HDAC9: variants seen among roughly 807,000 people sequenced by gnomAD.
HDAC9 encodes histone deacetylase 9, also known as MEF-2 interacting transcription repressor (MITR) protein.
Under a neutral mutation model 139.4 loss-of-function variants are expected in HDAC9, and 41 were observed. The ratio of observed to expected loss-of-function variants is 0.29; its 90% CI spans 0.23 to 0.38. HDAC9 has a LOEUF of 0.38. Ranked by LOEUF, HDAC9 falls within the 10% of genes least tolerant of loss-of-function variation. The probability of loss-of-function intolerance (pLI) is 1.00; values close to 1 mark genes in which losing one functional copy is unlikely to be tolerated. For missense variants in HDAC9, 1,147 were observed against 1,297.0 expected, an observed-to-expected ratio of 0.88 and a Z score of 1.78; for synonymous variants, 517 against 476.2, an observed-to-expected ratio of 1.09 and a Z score of -1.12.
At chr7:18,967,299 T>A (rs1193611706) in intron 24 of HDAC9, among the ~76,000 whole-genome samples, 3 of 152,172 alleles carry the variant, frequency 2.0e-5, no homozygotes, top group Non-Finnish European at 4.4e-5. Context: ...GTAAATCAAT[T>A]TTCAGTTTCT....
At position 18,370,167 on chromosome 7, in the gene HDAC9, T is replaced by C. The variant is rs563808188; in HGVS notation, c.-42+79652T>C. ...TGCAAACCATTGTGCATGTATTCTA[T>C]AGGTTATTCCAGCCCCAACTGGGTT... On this transcript the variant is annotated intron_variant, in intron 1 of 3. Coordinates refer to the HDAC9 transcript ENST00000413509. 1.8e-4 allele frequency among the ~76,000 whole-genome samples: 27 copies of C among 152,274 alleles called. 1 individual carries two copies. The South Asian group carries it at 5.6e-3, about 32-fold the overall frequency.
intron 14 of HDAC9, among the ~76,000 whole-genome samples, chr7:18,757,258 AACCACATCCCTTTATTTAGAG>A (rs1283485493): frequency 6.6e-6 from 1 of 152,146 alleles, no homozygotes. Flanking sequence ...AAATAAATGA[AACCACATCCCTTTATTTAGAG>A]ACAATGGATG....
intron 2 of HDAC9, among the ~76,000 whole-genome samples, chr7:18,218,518 C>T (rs182238473): frequency 1.2e-3 from 184 of 152,252 alleles, no homozygotes; most frequent in African/African-American, 4.3e-3. Context: ...ATTGACCCTA[C>T]TAACCAACCG....
At chr7:18,300,163 C>G (rs1337433360) in intron 1 of HDAC9, among the ~76,000 whole-genome samples, 2 of 152,048 alleles carry the variant, frequency 1.3e-5, no homozygotes, top group Non-Finnish European at 2.9e-5. Context: ...TGTAAACTTT[C>G]CTAAAACATT....
At chr7:18,335,582 C>G (rs1013384283) in intron 1 of HDAC9, among the ~76,000 whole-genome samples, 3 of 151,526 alleles carry the variant, frequency 2.0e-5, no homozygotes, top group Non-Finnish European at 4.4e-5. Flanking sequence ...AATTAGATAA[C>G]TTTAATTTTA....
chr7:18,592,628 A>G (rs1233273601), intron 5 of HDAC9, among the ~76,000 whole-genome samples: 2 of 152,098 alleles, frequency 1.3e-5, no homozygotes, highest in African/African-American at 2.4e-5. Flanking sequence ...TAATGTACTT[A>G]TAAGGCTATT....
At chr7:18,695,081 A>G (rs1248504662) in intron 12 of HDAC9, among the ~76,000 whole-genome samples, 1 of 152,182 alleles carries the variant, frequency 6.6e-6, no homozygotes, top group Non-Finnish European at 1.5e-5. Flanking sequence ...ACATTATTCT[A>G]AACAATTAAA....
intron 23 of HDAC9, among the ~76,000 whole-genome samples, chr7:18,953,005 T>A (rs902920307): frequency 1.3e-5 from 2 of 152,002 alleles, no homozygotes; most frequent in African/African-American, 4.8e-5. Flanking sequence ...TGTTGTAGAT[T>A]TCATGATTGA....
At position 18,279,717 on chromosome 7, in the gene HDAC9, A is replaced by C. The variant is rs549162133; in HGVS notation, c.25+117368A>C. On this transcript the variant is annotated intron_variant, in intron 2 of 12. Transcript: ENST00000417496. ...CTGACCTCGTGATCCACCCCCCTCG[A>C]CCCCCCAAAGTACTGGGATTACAGG... is the stretch of plus-strand genomic sequence containing the variant. Among the ~76,000 whole-genome samples, 438 of 150,340 alleles carry C rather than the reference A, an allele frequency of 2.9e-3. 1 individual carries two copies. The highest frequency in any genetic ancestry group is 4.8e-3 in the Non-Finnish European group (322 of 67,626).
chr7:18,330,900 G>A (rs1800871623), intron 1 of HDAC9, among the ~76,000 whole-genome samples: 1 of 151,684 alleles, frequency 6.6e-6, no homozygotes. Context: ...TAGCATTGTG[G>A]CATCCTGGTT....
rs528900692 is a variant in HDAC9 at position 18,371,620 on chromosome 7, T to C, written c.-42+81105T>C. Reference sequence around the variant, plus strand: ...ATTGAAAAGTACTATACAGACACAATAGCAGAAACAATGGGTGAATTATTA... The same window carrying C: ...ATTGAAAAGTACTATACAGACACAACAGCAGAAACAATGGGTGAATTATTA... On this transcript the variant is annotated intron_variant, in intron 1 of 3. Transcript: ENST00000413509. Among the ~76,000 whole-genome samples, 3 of 152,258 alleles carry C rather than the reference T, an allele frequency of 2.0e-5. No homozygotes were observed. In the East Asian group the frequency reaches 5.8e-4, roughly 29 times the overall value.
intron 12 of HDAC9, among the ~76,000 whole-genome samples, chr7:18,676,003 G>A (rs951366630): frequency 2.0e-5 from 3 of 152,052 alleles, no homozygotes; most frequent in Middle Eastern, 3.4e-3. Context: ...TCATTGTTCC[G>A]AAGGATGTAT....
chr7:18,169,624 C>T (rs374305690), intron 2 of HDAC9, among the ~76,000 whole-genome samples: 135 of 152,188 alleles, frequency 8.9e-4, no homozygotes, highest in African/African-American at 2.8e-3. Context: ...CCCCACCGCA[C>T]GACAGGCCCC....
intron 2 of HDAC9, among the ~76,000 whole-genome samples, chr7:18,280,145 A>G (rs368634213): frequency 1.8e-4 from 27 of 152,168 alleles, no homozygotes; most frequent in African/African-American, 6.3e-4. Flanking sequence ...ACTTATGTAT[A>G]ATCAATATTT....
At chr7:18,212,292 T>C (rs1474701002) in intron 2 of HDAC9, among the ~76,000 whole-genome samples, 1 of 152,210 alleles carries the variant, frequency 6.6e-6, no homozygotes, top group African/African-American at 2.4e-5. Flanking sequence ...TCTAATATGC[T>C]TCTTCCATCC....
intron 13 of HDAC9, among the ~76,000 whole-genome samples, chr7:18,736,324 G>A (rs953887030): frequency 2.2e-4 from 34 of 152,126 alleles, no homozygotes; most frequent in Admixed American, 3.9e-4. Context: ...GTTTTCAAAG[G>A]GAATGCTTCC....
intron 2 of HDAC9, among the ~76,000 whole-genome samples, chr7:18,227,959 G>A (rs1793182447): frequency 6.6e-6 from 1 of 152,082 alleles, no homozygotes; most frequent in South Asian, 2.1e-4. Flanking sequence ...CTATGTTTAA[G>A]TCTCATGGCA....
chr7:18,189,656 A>G (rs1364322899), intron 2 of HDAC9, among the ~76,000 whole-genome samples: 1 of 152,048 alleles, frequency 6.6e-6, no homozygotes, highest in Non-Finnish European at 1.5e-5. Context: ...TGATTATCCT[A>G]GGTCTCTTGC....
chr7:18,743,831 A>G (rs908791085), intron 13 of HDAC9, among the ~76,000 whole-genome samples: 1 of 152,020 alleles, frequency 6.6e-6, no homozygotes, highest in South Asian at 2.1e-4. Context: ...GTCATTAGAC[A>G]TGAACCTTGT....
Sources: allele counts gnomAD v4.1 joint callset (sites outside exome capture counted in the v4.1 genomes callset), GRCh38; gene constraint gnomAD v4.1.1; transcripts MANE v1.5; gene names NCBI Gene and HGNC (gene_info 2026-07-23, HGNC 2026-07-21).